Variants in SPATA13 observed in about 807,000 individuals in gnomAD.
SPATA13 encodes spermatogenesis-associated protein 13.
In SPATA13, 50 loss-of-function variants were observed where a neutral mutation model predicts 104.0. The observed-to-expected ratio is 0.48, with a 90% confidence interval of 0.38 to 0.61. The LOEUF is 0.61. Among genes scored for constraint, SPATA13 ranks in the 20% least tolerant of loss-of-function variants. SPATA13 has a pLI of 0.00. For missense variants in SPATA13, 1,524 were observed against 1,690.6 expected (o/e 0.90, Z 1.73); for synonymous variants, 606 against 667.5 (o/e 0.91, Z 1.42).
At chr13:24,173,079 G>A (rs1593380029) in intron 1 of SPATA13, among the ~76,000 whole-genome samples, 2 of 152,146 alleles carry the variant, frequency 1.3e-5, no homozygotes, top group African/African-American at 4.8e-5. Flanking sequence ...GTGGTATTAT[G>A]TAAATATATA....
chr13:24,058,731 C>T (rs1224793089), intron 3 of SPATA13, among the ~76,000 whole-genome samples: 3 of 151,770 alleles, frequency 2.0e-5, no homozygotes, highest in Admixed American at 6.6e-5. Context: ...GAGGCATTAT[C>T]TAATTGTTCT....
intron 4 of SPATA13, among the ~76,000 whole-genome samples, chr13:24,276,444 C>T (rs1874987560): frequency 6.6e-6 from 1 of 152,140 alleles, no homozygotes; most frequent in Non-Finnish European, 1.5e-5. Context: ...TATGAAGTAT[C>T]TAAAGTAGTC....
In SPATA13 at chr13:24,294,799, C is replaced by T. The variant is rs143497097; in HGVS notation, c.3141C>T (p.Asn1047=). ...EAMKNVACLI[N]ERKRKLESID... is the part of the protein sequence containing the mutation. ...TGAAGAATGTGGCCTGTCTGATCAA[C>T]GAGCGCAAGCGCAAGCTGGAGAGCA... Residue 1047 remains asparagine (N), a synonymous_variant, in exon 10 of 13, where the codon AAC becomes AAT. Transcript: ENST00000382108. 1.9e-4 allele frequency: 302 copies of T among 1,611,044 alleles called. No individual in the cohort carries two copies. Among genetic ancestry groups the T allele is most frequent in the Non-Finnish European group, 2.3e-4 (275 of 1,177,466 alleles).
At chr13:24,145,402 T>C (rs1881896573) in intron 3 of SPATA13, among the ~76,000 whole-genome samples, 1 of 152,232 alleles carries the variant, frequency 6.6e-6, no homozygotes, top group Non-Finnish European at 1.5e-5. Context: ...GTTTAAAGTA[T>C]GTCCCTGCAG....
chr13:24,168,847 A>ATGGATTTG lies in SPATA13; in HGVS notation c.-112+7915_-112+7916insTGGATTTG, dbSNP rs1239163470. Among the ~76,000 whole-genome samples the ATGGATTTG allele has an allele frequency of 2.9e-3, 447 of 152,342 alleles. 2 individuals are homozygous for ATGGATTTG. The highest frequency in any genetic ancestry group is 0.01 in the African/African-American group (433 of 41,578). On this transcript the variant is annotated intron_variant, in intron 1 of 12. Transcript: ENST00000382108. ...AAGTTAAAATCCATTTTAATTTTAA[A>ATGGATTTG]AATTTGAAGTTAAATAATTCAAAAT... is the stretch of plus-strand genomic sequence containing the variant.
chr13:24,285,393 G>A (rs924261410), intron 5 of SPATA13, among the ~76,000 whole-genome samples: 2 of 152,050 alleles, frequency 1.3e-5, no homozygotes, highest in Admixed American at 1.3e-4. Flanking sequence ...CATCTAGTAC[G>A]GCTGCCAGAA....
At chr13:24,137,486 C>G (rs1881612078) in intron 3 of SPATA13, among the ~76,000 whole-genome samples, 1 of 152,194 alleles carries the variant, frequency 6.6e-6, no homozygotes, top group Non-Finnish European at 1.5e-5. Flanking sequence ...AGTCCATGGG[C>G]AGTGGCTCAC....
rs78869042 is a variant in SPATA13 at position 24,259,479 on chromosome 13, C to T, written c.2164+7617C>T. On this transcript the variant is annotated intron_variant, in intron 4 of 12. Transcript: ENST00000382108. ...CAGTGAGTTTAAGGCTCAGTGGTTTCAAAGTACAATTGGGGATTATCATTC... is the reference window on the plus strand; with the variant it reads ...CAGTGAGTTTAAGGCTCAGTGGTTTTAAAGTACAATTGGGGATTATCATTC... Among the ~76,000 whole-genome samples, 79 of 152,340 alleles carry T rather than the reference C, an allele frequency of 5.2e-4. No homozygotes were observed. In the East Asian group the frequency reaches 0.014, roughly 27 times the overall value.
At chr13:24,062,645 G>A (rs911021104) in intron 3 of SPATA13, among the ~76,000 whole-genome samples, 1 of 152,148 alleles carries the variant, frequency 6.6e-6, no homozygotes, top group Non-Finnish European at 1.5e-5. Context: ...GTCTGGAACT[G>A]TGTAAGGAAG....
chr13:24,251,428 A>C, intron 3 of SPATA13: 3 of 973,732 alleles, frequency 3.1e-6, no homozygotes, highest in Non-Finnish European at 2.4e-6. Context: ...ATGTGCCTTC[A>C]TCTTCTCAGA....
At chr13:24,211,523 G>A (rs1012317158) in intron 1 of SPATA13, among the ~76,000 whole-genome samples, 1 of 152,102 alleles carries the variant, frequency 6.6e-6, no homozygotes, top group Non-Finnish European at 1.5e-5. Flanking sequence ...ATGATTTTTA[G>A]CCTTGATTTT....
intron 3 of SPATA13, among the ~76,000 whole-genome samples, chr13:24,028,235 C>G (rs924090196): frequency 6.6e-6 from 1 of 152,118 alleles, no homozygotes; most frequent in Non-Finnish European, 1.5e-5. Flanking sequence ...CTCATCATTC[C>G]TTTTTGCATT....
intron 4 of SPATA13, among the ~76,000 whole-genome samples, chr13:24,280,157 G>A (rs905444475): frequency 6.6e-6 from 1 of 152,148 alleles, no homozygotes; most frequent in Admixed American, 6.5e-5. Flanking sequence ...GACTACAGGT[G>A]CGTACCACGA....
chr13:24,298,946 GC>G (rs2138772228), intron 11 of SPATA13, among the ~76,000 whole-genome samples: 1 of 152,274 alleles, frequency 6.6e-6, no homozygotes, highest in East Asian at 1.9e-4. Flanking sequence ...ATCACAGGCA[GC>G]CCCTTACACC....
At chr13:24,302,233 A>C (rs1877239303) in intron 12 of SPATA13, among the ~76,000 whole-genome samples, 1 of 152,112 alleles carries the variant, frequency 6.6e-6, no homozygotes, top group South Asian at 2.1e-4. Context: ...GGAGTACCTG[A>C]ACATAACAAG....
Position 24,303,032 on chromosome 13 carries a change from GT to G in SPATA13, c.*260del, listed in dbSNP as rs1469629586. 1 of 525,058 alleles carries G rather than the reference GT, an allele frequency of 1.9e-6. No homozygotes were observed. Among genetic ancestry groups the G allele is most frequent in the Non-Finnish European group, 3.5e-6 (1 of 289,218 alleles). The allele number at this position is 525,058 out of a possible 1,614,324, so 32.5% of individuals were successfully genotyped here. A position where few individuals can be genotyped will look rare whatever the true frequency, so the allele number is the denominator to read the frequency against. On this transcript the variant is annotated 3_prime_UTR_variant, in exon 13 of 13. Transcript: ENST00000382108. The stretch of plus-strand genomic sequence containing the variant: ...TGACCCACTATGAGATGGCCCAGAT[GT>G]GGGACCCGGTACCATGCTCTAAAGC...
At chr13:24,023,400 G>T (rs1877073148) in intron 3 of SPATA13, among the ~76,000 whole-genome samples, 1 of 152,004 alleles carries the variant, frequency 6.6e-6, no homozygotes, top group Admixed American at 6.6e-5. Flanking sequence ...TGGATACTTT[G>T]CTTTTTATCT....
At chr13:24,147,032 G>A (rs1377332539) in intron 3 of SPATA13, among the ~76,000 whole-genome samples, 2 of 152,078 alleles carry the variant, frequency 1.3e-5, no homozygotes, top group Non-Finnish European at 2.9e-5. Context: ...TTGCCCAATA[G>A]GCCTCTGGAT....
intron 3 of SPATA13, among the ~76,000 whole-genome samples, chr13:24,137,829 T>C (rs1881623302): frequency 6.6e-6 from 1 of 152,196 alleles, no homozygotes; most frequent in South Asian, 2.1e-4. Context: ...GACTATTTTA[T>C]GTGCGTCATC....
Sources: gnomAD v4.1 joint callset for allele counts (sites outside exome capture counted in the v4.1 genomes callset) on GRCh38, gnomAD v4.1.1 for gene constraint, MANE v1.5 for transcripts, NCBI Gene and HGNC (gene_info 2026-07-23, HGNC 2026-07-21) for gene names.